Variants in KLHL14 observed in about 807,000 individuals in gnomAD.
KLHL14 encodes kelch like family member 14.
In KLHL14, 22 loss-of-function variants were observed where a neutral mutation model predicts 64.3. That is an observed-to-expected ratio of 0.34 (90% CI 0.24 to 0.49). The LOEUF is 0.49. KLHL14 is among the 20% of genes least tolerant of loss of function. The probability of loss-of-function intolerance (pLI) is 0.99; values close to 1 mark genes in which losing one functional copy is unlikely to be tolerated. For synonymous variants in KLHL14, 322 were observed against 333.4 expected (o/e 0.97, Z 0.37); for missense variants, 661 against 789.0 (o/e 0.84, Z 1.94).
At chr18:32,726,069 A>G (rs1264960343) in intron 3 of KLHL14, among the ~76,000 whole-genome samples, 1 of 152,232 alleles carries the variant, frequency 6.6e-6, no homozygotes, top group African/African-American at 2.4e-5. Flanking sequence ...AGTAGTCATG[A>G]CCTTAGATTA....
rs749264733 is a variant in KLHL14 at position 32,680,263 on chromosome 18, C to G, written c.1494G>C (p.Trp498Cys). 6.2e-7 allele frequency: 1 copy of G among 1,613,854 alleles called. No homozygotes were observed. The highest frequency in any genetic ancestry group is 1.1e-5 in the South Asian group (1 of 91,078). Reference protein sequence around the residue: ...LYCYDPVMDVWARKQDMNTKR... With the variant: ...LYCYDPVMDVCARKQDMNTKR... ...TTGTGTTCATATCTTGTTTTCGAGC[C>G]CAGACATCCATTACTGGGTCATAGC... The change falls in exon 7 of 9, where the codon TGG (tryptophan) becomes TGC (cysteine). Residue 498 changes from tryptophan (W) to cysteine (C), a missense_variant. Around this residue, in one of 2 missense-constraint regions of KLHL14, gnomAD observed 330 missense variants for 450.0 expected, o/e 0.73. Coordinates refer to ENST00000359358, the MANE Select transcript of KLHL14 (RefSeq NM_020805.3). The surrounding 1 kb of genome is among the most constrained non-coding windows in gnomAD (Gnocchi z 4.8).
Position 32,680,323 on chromosome 18 carries a change from A to AC in KLHL14, c.1433dup (p.Val479CysfsTer14). ...ATGGGACATATTCTCCATTGTGTAC[A>AC]CCCCCTGTGAAATAAACATAGACAT... On this transcript the variant is annotated frameshift_variant, in exon 7 of 9. Coordinates refer to ENST00000359358, the MANE Select transcript of KLHL14 (RefSeq NM_020805.3). LOFTEE classifies it high-confidence loss of function. The surrounding 1 kb of genome is among the most constrained non-coding windows in gnomAD (Gnocchi z 4.8). The AC allele has an allele frequency of 6.2e-7, 1 of 1,613,696 alleles. No individual in the cohort carries two copies. The highest frequency in any genetic ancestry group is 8.5e-7 in the Non-Finnish European group (1 of 1,179,740).
chr18:32,730,198 A>T (rs745997798), intron 3 of KLHL14, among the ~76,000 whole-genome samples: 2 of 152,338 alleles, frequency 1.3e-5, no homozygotes, highest in Non-Finnish European at 1.5e-5. Flanking sequence ...GATCTGCTGG[A>T]GATAGACCTC....
At chr18:32,752,190 G>C (rs183791710) in intron 2 of KLHL14, among the ~76,000 whole-genome samples, 1 of 152,242 alleles carries the variant, frequency 6.6e-6, no homozygotes, top group Non-Finnish European at 1.5e-5. Flanking sequence ...CAGACTAAAA[G>C]CCCCATAAGC....
At chr18:32,721,494 A>G (rs1392171463) in intron 3 of KLHL14, among the ~76,000 whole-genome samples, 1 of 150,520 alleles carries the variant, frequency 6.6e-6, no homozygotes, top group Non-Finnish European at 1.5e-5. Context: ...ATACTAAAAA[A>G]TGATTCATTA....
intron 2 of KLHL14, among the ~76,000 whole-genome samples, chr18:32,763,929 GGTAA>G (rs777565201): frequency 2.0e-5 from 3 of 152,056 alleles, no homozygotes; most frequent in Non-Finnish European, 4.4e-5. Flanking sequence ...CCTACAATGG[GGTAA>G]GTATTTCTCC....
intron 3 of KLHL14, among the ~76,000 whole-genome samples, chr18:32,699,111 CTT>C (rs1285563861): frequency 6.6e-6 from 1 of 152,144 alleles, no homozygotes; most frequent in African/African-American, 2.4e-5. Flanking sequence ...GTTACACAGT[CTT>C]TTACCCCTCC....
At chr18:32,688,094 A>G (rs2049888335) in intron 4 of KLHL14, among the ~76,000 whole-genome samples, 1 of 152,224 alleles carries the variant, frequency 6.6e-6, no homozygotes, top group African/African-American at 2.4e-5. Flanking sequence ...ATACATGTTA[A>G]CATTAAAACA....
Position 32,770,597 on chromosome 18 carries a change from G to A in KLHL14, c.-6C>T, listed in dbSNP as rs201743738. On this transcript the variant is annotated 5_prime_UTR_variant, in exon 2 of 9. Coordinates refer to ENST00000359358, the MANE Select transcript of KLHL14 (RefSeq NM_020805.3). This position sits in a 1 kb window ranked among gnomAD's most constrained non-coding sequence, Gnocchi z 6.7. ...CTGTCCCCGGATCTGGACATGGCGA[G>A]CTGACTCGGTGCACCTGGCTTTAAA... is the stretch of plus-strand genomic sequence containing the variant. The A allele has an allele frequency of 5.8e-6, 9 of 1,554,998 alleles. No individual in the cohort carries two copies. The East Asian group carries it at 9.1e-5, about 16-fold the overall frequency.
chr18:32,755,317 C>A (rs903582604), intron 2 of KLHL14, among the ~76,000 whole-genome samples: 23 of 152,276 alleles, frequency 1.5e-4, no homozygotes, highest in African/African-American at 5.5e-4. Context: ...CTTTGACATG[C>A]AGCAACAAAT....
rs1402852007 is a variant in KLHL14, at chr18:32,770,472, C to T, written c.120G>A (p.Gln40=). The T allele has an allele frequency of 3.7e-6, 6 of 1,612,786 alleles. No homozygotes were observed. The highest frequency in any genetic ancestry group is 4.5e-5 in the East Asian group (2 of 44,842). The change falls in exon 2 of 9, where the codon CAG becomes CAA. Residue 40 remains glutamine (Q), a synonymous_variant. Transcript: ENST00000359358. This position sits in a 1 kb window ranked among gnomAD's most constrained non-coding sequence, Gnocchi z 6.7. ...QLFCDVTLTA[Q]GQQFHCHKAV... ...CCTTGTGGCAATGGAACTGCTGGCC[C>T]TGGGCCGTCAGGGTCACGTCGCAAA... is the stretch of plus-strand genomic sequence containing the variant.
chr18:32,725,525 T>C (rs2050103859), intron 3 of KLHL14, among the ~76,000 whole-genome samples: 2 of 152,194 alleles, frequency 1.3e-5, no homozygotes, highest in Non-Finnish European at 2.9e-5. Context: ...GAGGAACCCG[T>C]GGCTAATGAG....
At chr18:32,734,482 C>T (rs1010001188) in intron 3 of KLHL14, among the ~76,000 whole-genome samples, 4 of 152,104 alleles carry the variant, frequency 2.6e-5, no homozygotes, top group South Asian at 2.1e-4. Flanking sequence ...GAGTTATTAC[C>T]GCAGCATAAT....
chr18:32,693,871 A>G (rs1286484963), intron 4 of KLHL14, among the ~76,000 whole-genome samples: 1 of 152,164 alleles, frequency 6.6e-6, no homozygotes, highest in Non-Finnish European at 1.5e-5. Flanking sequence ...AGACTAGAGG[A>G]AGGAATATGT....
chr18:32,741,386 A>AT (rs2050196609), intron 3 of KLHL14, among the ~76,000 whole-genome samples: 1 of 152,182 alleles, frequency 6.6e-6, no homozygotes, highest in Non-Finnish European at 1.5e-5. Context: ...TGCAAGCACA[A>AT]TTTCATGCAG....
intron 2 of KLHL14, 42 bp from the exon 3 acceptor site, chr18:32,742,091 G>T: frequency 6.3e-7 from 1 of 1,588,406 alleles, no homozygotes; most frequent in Non-Finnish European, 8.5e-7. Context: ...CCACATTACT[G>T]TAGAGTCTTT....
intron 3 of KLHL14, among the ~76,000 whole-genome samples, chr18:32,726,736 T>A (rs188191799): frequency 5.3e-5 from 8 of 152,322 alleles, no homozygotes; most frequent in Admixed American, 5.2e-4. Flanking sequence ...TATTAATGCT[T>A]CTGCATTCTT....
chr18:32,765,149 T>C (rs1485451184), intron 2 of KLHL14, among the ~76,000 whole-genome samples: 4 of 152,226 alleles, frequency 2.6e-5, no homozygotes, highest in Non-Finnish European at 4.4e-5. Flanking sequence ...ATAGTACCCA[T>C]ACCTTGGGCT....
chr18:32,717,290 G>T (rs2050050868), intron 3 of KLHL14, among the ~76,000 whole-genome samples: 1 of 152,186 alleles, frequency 6.6e-6, no homozygotes, highest in Admixed American at 6.5e-5. Context: ...ATGTTGAAGT[G>T]AGAAAGACAA....
Sources: gnomAD v4.1 joint callset for allele counts (sites outside exome capture counted in the v4.1 genomes callset) on GRCh38, gnomAD v4.1.1 for gene constraint, gnomAD v4.1.1 regional missense constraint, Gnocchi (gnomAD v3.1) non-coding constraint, MANE v1.5 for transcripts, NCBI Gene and HGNC (gene_info 2026-07-23, HGNC 2026-07-21) for gene names.